ATP8A2: variants seen among roughly 807,000 people sequenced by gnomAD.
ATP8A2 encodes the protein ATPase phospholipid transporting 8A2.
In ATP8A2, 100 loss-of-function variants were observed where a neutral mutation model predicts 165.6. The observed-to-expected ratio is 0.60, with a 90% CI of 0.51 to 0.71. ATP8A2 has a LOEUF of 0.71. ATP8A2 is among the 30% of genes least tolerant of loss of function. The pLI, the probability that ATP8A2 is intolerant of heterozygous loss-of-function variation, is 0.00. For missense variants in ATP8A2, 1,227 were observed against 1,479.5 expected (o/e 0.83, Z 2.80); for synonymous variants, 543 against 548.8 (o/e 0.99, Z 0.15).
At chr13:25,803,121 T>G (rs1950656470) in intron 27 of ATP8A2, among the ~76,000 whole-genome samples, 1 of 152,150 alleles carries the variant, frequency 6.6e-6, no homozygotes, top group African/African-American at 2.4e-5. Context: ...ACATTGACAC[T>G]CTGTGGTATC....
chr13:25,811,140 T>C (rs1298419242), intron 27 of ATP8A2, among the ~76,000 whole-genome samples: 1 of 152,008 alleles, frequency 6.6e-6, no homozygotes, highest in African/African-American at 2.4e-5. Context: ...TTCCCTGGAG[T>C]TTTTTCCCTC....
intron 33 of ATP8A2, among the ~76,000 whole-genome samples, chr13:25,932,616 C>T (rs1277240886): frequency 6.6e-5 from 10 of 152,146 alleles, no homozygotes; most frequent in Admixed American, 6.5e-4. Flanking sequence ...AAAGTAAGCA[C>T]ACAAAGGAAC....
intron 1 of ATP8A2, among the ~76,000 whole-genome samples, chr13:25,428,987 G>A (rs1421936086): frequency 5.3e-5 from 8 of 152,120 alleles, no homozygotes; most frequent in Non-Finnish European, 1.2e-4. Context: ...ACTGCTCCAG[G>A]CCATGGAAAG....
At chr13:25,877,288 G>C (rs1257261548) in intron 33 of ATP8A2, among the ~76,000 whole-genome samples, 1 of 152,156 alleles carries the variant, frequency 6.6e-6, no homozygotes, top group Admixed American at 6.5e-5. Flanking sequence ...CACTATGCTA[G>C]AGTTAGGAGT....
In ATP8A2 at chr13:25,699,133, C is replaced by T. The variant is rs767692525; in HGVS notation, c.2212-40C>T. The T allele has an allele frequency of 1.4e-5, 20 of 1,440,824 alleles. No homozygotes were observed. The South Asian group carries it at 2.8e-4, about 20-fold the overall frequency. 89.3% of individuals were successfully genotyped at this position (1,440,824 alleles called of 1,614,324 possible). ...ATTCTATTTTGTTTTTGATATTAAA[C>T]ACACAAAAAATGTGATTTTCCCCTA... On this transcript the variant is annotated intron_variant, in intron 24 of 36. Transcript: ENST00000381655.
intron 33 of ATP8A2, among the ~76,000 whole-genome samples, chr13:25,882,962 G>A (rs1183321288): frequency 6.6e-6 from 1 of 151,892 alleles, no homozygotes; most frequent in Admixed American, 6.6e-5. Flanking sequence ...GATGGTGATG[G>A]TGATGATGAT....
intron 1 of ATP8A2, among the ~76,000 whole-genome samples, chr13:25,413,916 A>G (rs2034053001): frequency 6.6e-6 from 1 of 151,178 alleles, no homozygotes; most frequent in African/African-American, 2.4e-5. Flanking sequence ...TTTTCCATGG[A>G]TTGACTGAAA....
At chr13:25,889,273 T>TATATATATATATATAA (rs1359317042) in intron 33 of ATP8A2, among the ~76,000 whole-genome samples, 1 of 141,184 alleles carries the variant, frequency 7.1e-6, no homozygotes, top group African/African-American at 2.5e-5. Context: ...TATATATATA[T>TATATATATATATATAA]AAAATTTAAA....
chr13:25,437,528 G>T (rs554592354), intron 1 of ATP8A2, among the ~76,000 whole-genome samples: 3 of 152,284 alleles, frequency 2.0e-5, no homozygotes, highest in African/African-American at 7.2e-5. Flanking sequence ...TATAAAGTCA[G>T]TTTTCAAAGC....
chr13:25,628,087 T>C (rs1028082697), intron 24 of ATP8A2, among the ~76,000 whole-genome samples: 3 of 152,188 alleles, frequency 2.0e-5, no homozygotes, highest in Admixed American at 2.0e-4. Flanking sequence ...CCCACTTTAC[T>C]GTTTAATGGT....
chr13:25,900,197 G>A (rs1953693860), intron 33 of ATP8A2, among the ~76,000 whole-genome samples: 1 of 152,172 alleles, frequency 6.6e-6, no homozygotes, highest in African/African-American at 2.4e-5. Context: ...CATATTTAAT[G>A]AGCTATAGGA....
chr13:25,432,787 T>A (rs908187582), intron 1 of ATP8A2, among the ~76,000 whole-genome samples: 4 of 152,206 alleles, frequency 2.6e-5, no homozygotes, highest in Admixed American at 2.6e-4. Context: ...GATGTTTACA[T>A]GTTCTCAAGT....
At chr13:25,392,920 A>AACAAAAAAG (rs1212917782) in intron 1 of ATP8A2, among the ~76,000 whole-genome samples, 1 of 151,432 alleles carries the variant, frequency 6.6e-6, no homozygotes, top group African/African-American at 2.4e-5. Context: ...TACAAAAAAA[A>AACAAAAAAG]AACAAAAAAG....
At chr13:25,569,818 A>G (rs2039415016) in intron 16 of ATP8A2, among the ~76,000 whole-genome samples, 1 of 152,248 alleles carries the variant, frequency 6.6e-6, no homozygotes, top group African/African-American at 2.4e-5. Flanking sequence ...TGTAATGGAA[A>G]TAAGATTCCA....
chr13:25,908,706 A>G (rs1331980538), intron 33 of ATP8A2, among the ~76,000 whole-genome samples: 3 of 152,238 alleles, frequency 2.0e-5, no homozygotes, highest in Non-Finnish European at 4.4e-5. Flanking sequence ...TTCCAAATAG[A>G]GAAAACATTT....
intron 1 of ATP8A2, among the ~76,000 whole-genome samples, chr13:25,398,548 A>G (rs929466243): frequency 6.6e-6 from 1 of 152,314 alleles, no homozygotes; most frequent in Middle Eastern, 3.4e-3. Context: ...ACTGTGGGCC[A>G]TCTGGTGCAT....
chr13:25,540,569 G>C (rs1373016434), intron 8 of ATP8A2, among the ~76,000 whole-genome samples, 181 bp downstream of exon 8: 3 of 152,194 alleles, frequency 2.0e-5, no homozygotes, highest in Admixed American at 6.5e-5. Context: ...GAAAAAGTAG[G>C]CTGCATCAAA....
At chr13:25,417,508 T>G (rs1593278841) in intron 1 of ATP8A2, among the ~76,000 whole-genome samples, 1 of 83,186 alleles carries the variant, frequency 1.2e-5, no homozygotes, top group East Asian at 6.4e-4. Context: ...CTGGTATTAT[T>G]AACTTCATGG....
At chr13:25,509,920 T>C (rs2037167331) in intron 2 of ATP8A2, among the ~76,000 whole-genome samples, 2 of 152,180 alleles carry the variant, frequency 1.3e-5, no homozygotes, top group South Asian at 4.1e-4. Context: ...TATTAGATAA[T>C]TTATGAAGAA....
Sources: gnomAD v4.1 joint callset for allele counts (sites outside exome capture counted in the v4.1 genomes callset) on GRCh38, gnomAD v4.1.1 for gene constraint, MANE v1.5 for transcripts, NCBI Gene and HGNC (gene_info 2026-07-23, HGNC 2026-07-21) for gene names.